The following SLC6A18 variants were observed in gnomAD, a reference collection of about 807,000 sequenced individuals.
SLC6A18 encodes solute carrier family 6 member 18.
In SLC6A18, 58 loss-of-function variants were observed where a neutral mutation model predicts 62.9. The observed-to-expected ratio is 0.92, with a 90% CI of 0.75 to 1.15. The LOEUF (loss-of-function observed/expected upper bound fraction) is 1.15, where lower values mean the gene tolerates loss of function less well. Among genes scored for constraint, SLC6A18 ranks in the 50% most tolerant of loss-of-function variants. SLC6A18 has a pLI of 0.00. For missense variants in SLC6A18, 793 were observed against 836.6 expected (o/e 0.95, Z 0.64); for synonymous variants, 382 against 365.8 (o/e 1.04, Z -0.51).
chr5:1,235,022 G>A (rs561448300), intron 3 of SLC6A18, among the ~76,000 whole-genome samples: 15 of 152,318 alleles, frequency 9.8e-5, no homozygotes, highest in East Asian at 7.7e-4. Flanking sequence ...CTGTGGCCCC[G>A]TCAAGGAGGA....
chr5:1,225,507 C>T lies in SLC6A18; in HGVS notation c.30C>T (p.Ala10=), dbSNP rs775134603. The part of the protein sequence containing the change: MAHAPEPDP[A]ACDLGDERPK... The stretch of plus-strand genomic sequence containing the variant: ...CTCATGCCCCAGAACCGGACCCGGC[C>T]GCCTGCGACCTCGGGGATGAGAGGC... Residue 10 remains alanine, a synonymous_variant, in exon 1 of 12, where the codon GCC becomes GCT. Transcript: ENST00000324642. The T allele has an allele frequency of 9.9e-6, 16 of 1,613,192 alleles. No homozygotes were observed. Among genetic ancestry groups the T allele is most frequent in the African/African-American group, 2.7e-5 (2 of 74,880 alleles).
chr5:1,237,866 T>C (rs1579530446), intron 4 of SLC6A18, 84 bp from the exon 5 acceptor site: 1 of 1,045,570 alleles, frequency 9.6e-7, no homozygotes, highest in African/African-American at 1.6e-5. Context: ...ACAAGGGCGG[T>C]GTCTGGAGCC....
In SLC6A18 at chr5:1,238,019, C is replaced by T. The variant is rs1746929271; in HGVS notation, c.691C>T (p.Pro231Ser). The change falls in exon 5 of 12, where the codon CCA (proline) becomes TCA (serine). Residue 231 changes from proline (P) to serine (S), a missense_variant. Pro to Ser is a moderately conservative substitution (Grantham distance 74). Coordinates refer to ENST00000324642, the MANE Select transcript of SLC6A18 (RefSeq NM_182632.3). ...TIFLIRGLTL[P>S]GATKGLIYLF... ...CTTTCTCATCAGAGGGCTGACCCTG[C>T]CAGGGGCAACAAAAGGACTCATCTA... 6.2e-7 allele frequency: 1 copy of T among 1,614,196 alleles called. No homozygotes were observed. The highest frequency in any genetic ancestry group is 8.5e-7 in the Non-Finnish European group (1 of 1,180,000).
In SLC6A18 at chr5:1,240,779, G is replaced by A. The variant is rs1043459341; in HGVS notation, c.974+120G>A. The A allele has an allele frequency of 3.6e-6, 5 of 1,392,640 alleles. No homozygotes were observed. The African/African-American group carries it at 4.3e-5, about 12-fold the overall frequency. 86.3% of individuals were successfully genotyped at this position (1,392,640 alleles called of 1,614,324 possible). A position where few individuals can be genotyped will look rare whatever the true frequency, so the allele number is the denominator to read the frequency against. ...GGGCACATTTCATTTCTGTAGGGGTGTGGAGTGAATGGTGTCCCCAGAAGG... is the reference window on the plus strand; with the variant it reads ...GGGCACATTTCATTTCTGTAGGGGTATGGAGTGAATGGTGTCCCCAGAAGG... On this transcript the variant is annotated intron_variant, in intron 7 of 11. Transcript: ENST00000324642.
chr5:1,235,428 G>T, intron 3 of SLC6A18, 53 bp from the exon 4 acceptor site: 1 of 1,576,508 alleles, frequency 6.3e-7, no homozygotes, highest in South Asian at 1.1e-5. Flanking sequence ...AGAGCCACAT[G>T]GTGAGGGTGC....
intron 1 of SLC6A18, among the ~76,000 whole-genome samples, chr5:1,227,344 G>A (rs531247970): frequency 2.0e-5 from 3 of 152,324 alleles, no homozygotes; most frequent in Non-Finnish European, 2.9e-5. Context: ...CGCCAGCTGC[G>A]CGGGGACTTC....
In SLC6A18 at chr5:1,243,644, C is replaced by A; in HGVS notation, c.1221C>A (p.Phe407Leu). The stretch of plus-strand genomic sequence containing the variant: ...CTCCTGTGTGGGCCATGCTCTTCTT[C>A]GGGATGCTGTTCACCTTGGGGCTAT... Reference protein sequence around the residue: ...PGAPVWAMLFFGMLFTLGLST... With the variant: ...PGAPVWAMLFLGMLFTLGLST... Residue 407 changes from phenylalanine (F) to leucine (L), a missense_variant, in exon 9 of 12, where the codon TTC becomes TTA. Physicochemically the swap from Phe to Leu is conservative, Grantham distance 22 (BLOSUM62 0). Coordinates refer to ENST00000324642, the MANE Select transcript of SLC6A18 (RefSeq NM_182632.3). This position sits in a 1 kb window ranked among gnomAD's most constrained non-coding sequence, Gnocchi z 6.5. 6.2e-7 allele frequency: 1 copy of A among 1,614,092 alleles called. No individual in the cohort carries two copies. Among genetic ancestry groups the A allele is most frequent in the Non-Finnish European group, 8.5e-7 (1 of 1,180,008 alleles).
rs780535792 is a variant in SLC6A18 at position 1,243,544 on chromosome 5, G to A, written c.1132-11G>A. The stretch of plus-strand genomic sequence containing the variant: ...TGCGTGGCCTGAAGCCCGGGGCTCC[G>A]TGTATTGCAGAGTGCCTCGGGCCCG... On this transcript the variant is annotated splice_polypyrimidine_tract_variant and intron_variant, in intron 8 of 11. Coordinates refer to ENST00000324642, the MANE Select transcript of SLC6A18 (RefSeq NM_182632.3). This position sits in a 1 kb window ranked among gnomAD's most constrained non-coding sequence, Gnocchi z 6.5. 8.1e-6 allele frequency: 13 copies of A among 1,612,374 alleles called. No individual in the cohort carries two copies. The East Asian group carries it at 1.1e-4, about 14-fold the overall frequency.
At chr5:1,240,386 C>T (rs997977561) in intron 6 of SLC6A18, 145 bp from the exon 7 acceptor site, 3 of 1,229,112 alleles carry the variant, frequency 2.4e-6, no homozygotes, top group Non-Finnish European at 3.4e-6. Context: ...GACTCCAGGA[C>T]TGGCAGCAGC....
At chr5:1,226,985 C>T (rs113579894) in intron 1 of SLC6A18, among the ~76,000 whole-genome samples, 46 of 91,288 alleles carry the variant, frequency 5.0e-4, no homozygotes, top group South Asian at 1.0e-3. Flanking sequence ...CCTTGCCCAC[C>T]GATGCCTTGC....
chr5:1,240,761 T>C, intron 7 of SLC6A18, 102 bp downstream of exon 7: 1 of 1,518,448 alleles, frequency 6.6e-7, no homozygotes, highest in South Asian at 1.2e-5. Context: ...CGTGGGCACA[T>C]TTCATTTCTG....
intron 3 of SLC6A18, among the ~76,000 whole-genome samples, chr5:1,233,962 C>T (rs993234069): frequency 2.2e-4 from 34 of 152,156 alleles, no homozygotes; most frequent in East Asian, 1.5e-3. Context: ...AGGATGGTCT[C>T]GATCTCCTGA....
Position 1,241,562 on chromosome 5 carries a change from A to C in SLC6A18, c.974+903A>C, listed in dbSNP as rs772714973. On this transcript the variant is annotated intron_variant, in intron 7 of 11. Transcript: ENST00000324642. This position sits in a 1 kb window ranked among gnomAD's most constrained non-coding sequence, Gnocchi z 7.8. ...AGCACTGCACCTGATGGCACTTTTC[A>C]ACGGGGACGTCACCAAGAAAACGCA... Among the ~76,000 whole-genome samples, 2 of 152,112 alleles carry C rather than the reference A, an allele frequency of 1.3e-5. No homozygotes were observed. Among genetic ancestry groups the C allele is most frequent in the African/African-American group, 2.4e-5 (1 of 41,418 alleles).
At chr5:1,240,882 C>G (rs912828034) in intron 7 of SLC6A18, among the ~76,000 whole-genome samples, 5 of 152,220 alleles carry the variant, frequency 3.3e-5, no homozygotes, top group African/African-American at 1.2e-4. Flanking sequence ...GGATCGGTCT[C>G]TCTGGAGTAG....
In SLC6A18 at chr5:1,239,711, AG is replaced by A. The variant is rs1747003692; in HGVS notation, c.845+150del. ...ACGCCACAGTCTGGGCCCTCACGGCAGCTCCCAGCACGTCCGGAGCTGGCTG... is the reference window on the plus strand; with the variant it reads ...ACGCCACAGTCTGGGCCCTCACGGCACTCCCAGCACGTCCGGAGCTGGCTG... On this transcript the variant is annotated intron_variant, in intron 6 of 11. Transcript: ENST00000324642. 4.8e-6 allele frequency: 3 copies of A among 629,738 alleles called. No individual in the cohort carries two copies. The East Asian group carries it at 8.4e-5, about 18-fold the overall frequency. The allele number at this position is 629,738 out of a possible 1,614,324, so 39.0% of individuals were successfully genotyped here. A position where few individuals can be genotyped will look rare whatever the true frequency, so the allele number is the denominator to read the frequency against.
intron 1 of SLC6A18, among the ~76,000 whole-genome samples, chr5:1,231,956 A>G (rs1746740695): frequency 6.6e-6 from 1 of 152,210 alleles, no homozygotes; most frequent in Non-Finnish European, 1.5e-5. Context: ...GTCCTAGTCC[A>G]GGGCCGGCTG....
In SLC6A18 at chr5:1,246,188, G is replaced by C; in HGVS notation, c.*110G>C. 1 of 1,375,042 alleles carries C rather than the reference G, an allele frequency of 7.3e-7. No homozygotes were observed. The allele number at this position is 1,375,042 out of a possible 1,614,324, so 85.2% of individuals were successfully genotyped here. The stretch of plus-strand genomic sequence containing the variant: ...CCCAATACACCAGCGACTCAACCTT[G>C]ATGCCGCTGTGTACGTGTGGTTACT... On this transcript the variant is annotated 3_prime_UTR_variant, in exon 12 of 12. Transcript: ENST00000324642.
chr5:1,232,411 T>C (rs746761506), intron 2 of SLC6A18, 52 bp downstream of exon 2: 1 of 1,566,144 alleles, frequency 6.4e-7, no homozygotes, highest in South Asian at 1.2e-5. Flanking sequence ...GACAGGGCCC[T>C]CCTGGATGAG....
rs537033313 is a variant in SLC6A18, at chr5:1,243,437, A to G, written c.1132-118A>G. Reference sequence around the variant, plus strand: ...TGAGCCACCTCAGCCCGACACCAGGAGGGGTGATGTGCACTCGTGTCCTCG... The same window carrying G: ...TGAGCCACCTCAGCCCGACACCAGGGGGGGTGATGTGCACTCGTGTCCTCG... On this transcript the variant is annotated intron_variant, in intron 8 of 11. Transcript: ENST00000324642. The surrounding 1 kb of genome is among the most constrained non-coding windows in gnomAD (Gnocchi z 6.5). 1.1e-3 allele frequency: 1,293 copies of G among 1,160,952 alleles called. 2 individuals are homozygous for G. The highest frequency in any genetic ancestry group is 2.7e-3 in the Admixed American group (138 of 51,848). 71.9% of individuals were successfully genotyped at this position (1,160,952 alleles called of 1,614,324 possible).
Sources: allele counts gnomAD v4.1 joint callset (sites outside exome capture counted in the v4.1 genomes callset), GRCh38; gene constraint gnomAD v4.1.1; non-coding constraint Gnocchi (gnomAD v3.1); transcripts MANE v1.5; gene names NCBI Gene and HGNC (gene_info 2026-07-23, HGNC 2026-07-21).